Variants in PALS2 observed in about 807,000 individuals in gnomAD.
PALS2 encodes protein PALS2.
A neutral mutation model predicts 61.6 loss-of-function variants in PALS2; 27 were observed. The ratio of observed to expected loss-of-function variants is 0.44; its 90% CI spans 0.32 to 0.60. The LOEUF (loss-of-function observed/expected upper bound fraction) is 0.60, where lower values mean the gene tolerates loss of function less well. Among genes scored for constraint, PALS2 ranks in the 20% least tolerant of loss-of-function variants. PALS2 has a pLI of 0.05. For synonymous variants in PALS2, 236 were observed against 218.6 expected, an observed-to-expected ratio of 1.08 and a Z score of -0.70; for missense variants, 554 against 639.4, an observed-to-expected ratio of 0.87 and a Z score of 1.44.
chr7:24,617,538 A>C (rs58802434), intron 1 of PALS2, among the ~76,000 whole-genome samples: 4,988 of 152,232 alleles, frequency 0.033, 227 homozygotes, highest in East Asian at 0.19. Flanking sequence ...TGTTGAAAAA[A>C]CTTAGAGTAT....
chr7:24,661,468 A>T (rs1786717137), intron 5 of PALS2, among the ~76,000 whole-genome samples: 1 of 152,176 alleles, frequency 6.6e-6, no homozygotes, highest in African/African-American at 2.4e-5. Flanking sequence ...TATCTTGTAA[A>T]GTCTGAGCTT....
rs765693726 is a variant in PALS2, at chr7:24,623,760, T to G, written c.93T>G (p.Asn31Lys). 8.2e-6 allele frequency: 13 copies of G among 1,587,050 alleles called. No individual in the cohort carries two copies. Among genetic ancestry groups the G allele is most frequent in the Admixed American group, 1.7e-5 (1 of 57,806 alleles). Residue 31 changes from asparagine to lysine, a missense_variant, in exon 2 of 12, where the codon AAT becomes AAG. By Grantham distance (94) the Asn-to-Lys change is moderately conservative. Coordinates refer to ENST00000222644, the MANE Select transcript of PALS2 (RefSeq NM_001303037.2). ...TTTTCCTCAAGGGAATTATGGAGAA[T>G]CCTATTGTAAAATCACTTGCTAAGG... ...DLIFLKGIME[N>K]PIVKSLAKAH... is the part of the protein sequence containing the mutation.
chr7:24,592,152 C>T (rs865924961), intron 1 of PALS2, among the ~76,000 whole-genome samples: 1 of 152,080 alleles, frequency 6.6e-6, no homozygotes, highest in African/African-American at 2.4e-5. Context: ...CACAAAAGCT[C>T]TGTAAGTATC....
chr7:24,650,537 A>G lies in PALS2; in HGVS notation c.476A>G (p.His159Arg), dbSNP rs1786085087. ...NNDLVIARIL[H>R]GGMIDRQGLL... ...GATCTGGTAATTGCCCGAATCCTCC[A>G]TGGGGGAATGATAGATCGACAAGGT... The change falls in exon 5 of 12, where the codon CAT becomes CGT. Residue 159 changes from histidine (H) to arginine (R), a missense_variant. Physicochemically the swap from His to Arg is conservative, Grantham distance 29 (BLOSUM62 0). Coordinates refer to ENST00000222644, the MANE Select transcript of PALS2 (RefSeq NM_001303037.2). 6.2e-7 allele frequency: 1 copy of G among 1,613,092 alleles called. No homozygotes were observed. Among genetic ancestry groups the G allele is most frequent in the Non-Finnish European group, 8.5e-7 (1 of 1,179,618 alleles).
intron 9 of PALS2, 67 bp from the exon 10 acceptor site, chr7:24,679,064 G>A (rs925155754): frequency 7.0e-7 from 1 of 1,420,624 alleles, no homozygotes; most frequent in Non-Finnish European, 9.9e-7. Flanking sequence ...GCCACCCTAT[G>A]TATTTTAGTC....
intron 1 of PALS2, among the ~76,000 whole-genome samples, chr7:24,607,310 A>G (rs747321382): frequency 1.3e-5 from 2 of 152,120 alleles, no homozygotes; most frequent in African/African-American, 4.8e-5. Context: ...TTATTCTAAC[A>G]TATAATGAAA....
intron 2 of PALS2, among the ~76,000 whole-genome samples, chr7:24,638,412 G>T (rs1583920433): frequency 2.8e-5 from 1 of 36,362 alleles, no homozygotes; most frequent in Admixed American, 2.9e-4. Flanking sequence ...CTCACTGCAA[G>T]CTCCGCCTCC....
chr7:24,643,566 C>T (rs1785674980), intron 3 of PALS2, among the ~76,000 whole-genome samples: 1 of 152,092 alleles, frequency 6.6e-6, no homozygotes, highest in East Asian at 1.9e-4. Context: ...ACACCATATT[C>T]AGACTTCTCC....
In PALS2 at chr7:24,687,583, C is replaced by T. The variant is rs2128038420; in HGVS notation, c.1592C>T (p.Pro531Leu). 1.2e-6 allele frequency: 2 copies of T among 1,611,148 alleles called. No individual in the cohort carries two copies. The highest frequency in any genetic ancestry group is 1.7e-6 in the Non-Finnish European group (2 of 1,179,088). Residue 531 changes from proline to leucine, a missense_variant, in exon 12 of 12, where the codon CCA becomes CTA. By Grantham distance (98) the Pro-to-Leu change is moderately conservative. Coordinates refer to ENST00000222644, the MANE Select transcript of PALS2 (RefSeq NM_001303037.2). The surrounding 1 kb of genome is among the most constrained non-coding windows in gnomAD (Gnocchi z 4.5). ...QTAIEKLRME[P>L]QWVPISWVY ...GCCATAGAGAAACTGAGAATGGAACCACAGTGGGTCCCAATCAGCTGGGTT... is the reference window on the plus strand; with the variant it reads ...GCCATAGAGAAACTGAGAATGGAACTACAGTGGGTCCCAATCAGCTGGGTT...
chr7:24,614,631 A>AT (rs1471715030), intron 1 of PALS2, among the ~76,000 whole-genome samples: 1 of 151,964 alleles, frequency 6.6e-6, no homozygotes, highest in Non-Finnish European at 1.5e-5. Context: ...CCCTGATACA[A>AT]TAATAGTTGG....
intron 1 of PALS2, among the ~76,000 whole-genome samples, chr7:24,609,829 T>A (rs1048568125): frequency 6.6e-6 from 1 of 152,158 alleles, no homozygotes; most frequent in South Asian, 2.1e-4. Context: ...TATATGCGAT[T>A]CCTTAATGGC....
In PALS2 at chr7:24,688,634, T is replaced by G. The variant is rs971761027; in HGVS notation, c.*1020T>G. ...TGTGATCCTTAGGGTACCTGTTTTG[T>G]CTGTTGTGTTGAGAACCAAACCCAT... On this transcript the variant is annotated 3_prime_UTR_variant, in exon 12 of 12. Transcript: ENST00000222644. The G allele has an allele frequency of 6.6e-6, 1 of 151,822 alleles. No homozygotes were observed. The highest frequency in any genetic ancestry group is 2.4e-5 in the African/African-American group (1 of 41,312). 9.4% of individuals were successfully genotyped at this position (151,822 alleles called of 1,614,324 possible). A position where few individuals can be genotyped will look rare whatever the true frequency, so the allele number is the denominator to read the frequency against.
chr7:24,626,733 C>T (rs1302408472), intron 2 of PALS2, among the ~76,000 whole-genome samples: 1 of 152,126 alleles, frequency 6.6e-6, no homozygotes, highest in East Asian at 1.9e-4. Context: ...ATCCTAATCT[C>T]TGATAAAACA....
chr7:24,647,058 A>G (rs1461418176), intron 3 of PALS2, among the ~76,000 whole-genome samples: 1 of 151,352 alleles, frequency 6.6e-6, no homozygotes, highest in Non-Finnish European at 1.5e-5. Context: ...TTATTAGTCT[A>G]GCTAGTGGCT....
intron 5 of PALS2, 156 bp from the exon 6 acceptor site, chr7:24,663,434 A>G (rs1052598859): frequency 3.1e-6 from 2 of 637,610 alleles, no homozygotes; most frequent in African/African-American, 1.9e-5. Flanking sequence ...TTAATATTCT[A>G]ATAACTTGAT....
chr7:24,652,038 A>G (rs1287276010), intron 5 of PALS2, among the ~76,000 whole-genome samples: 3 of 152,200 alleles, frequency 2.0e-5, no homozygotes, highest in Non-Finnish European at 4.4e-5. Context: ...AATAAATGAT[A>G]TTAGTACTTA....
intron 9 of PALS2, among the ~76,000 whole-genome samples, chr7:24,678,179 G>A (rs1787723168): frequency 6.6e-6 from 1 of 152,206 alleles, no homozygotes; most frequent in Non-Finnish European, 1.5e-5. Context: ...AAAGTTGTCA[G>A]AGAGTACACA....
In PALS2 at chr7:24,687,442, C is replaced by G. The variant is rs1385875943; in HGVS notation, c.1451C>G (p.Ser484Cys). 1.9e-6 allele frequency: 3 copies of G among 1,607,482 alleles called. No individual in the cohort carries two copies. Among genetic ancestry groups the G allele is most frequent in the East Asian group, 2.2e-5 (1 of 44,570 alleles). ...CCTTTTAAAACTCTTCAACAGGACT[C>G]TGACTTGAAGAAAACAGTGGATGAA... ...AGITTKLLTD[S>C]DLKKTVDESA... Residue 484 changes from serine (S) to cysteine (C), a missense_variant, in exon 12 of 12, where the codon TCT becomes TGT. Transcript: ENST00000222644. This position sits in a 1 kb window ranked among gnomAD's most constrained non-coding sequence, Gnocchi z 4.5.
intron 11 of PALS2, among the ~76,000 whole-genome samples, chr7:24,682,974 A>G (rs1326123915): frequency 6.6e-6 from 1 of 152,126 alleles, no homozygotes. Context: ...GGTTTTTGCA[A>G]GAATAATTCA....
Sources: gnomAD v4.1 joint callset for allele counts (sites outside exome capture counted in the v4.1 genomes callset) on GRCh38, gnomAD v4.1.1 for gene constraint, Gnocchi (gnomAD v3.1) non-coding constraint, MANE v1.5 for transcripts, NCBI Gene and HGNC (gene_info 2026-07-23, HGNC 2026-07-21) for gene names.